Variants in SPNS2 observed in about 807,000 individuals in gnomAD.
SPNS2 encodes SPNS lysolipid transporter 2, sphingosine-1-phosphate, also known as sphingosine-1-phosphate transporter SPNS2.
Under a neutral mutation model 57.6 loss-of-function variants are expected in SPNS2, and 37 were observed. That is an observed-to-expected ratio of 0.64 (90% CI 0.49 to 0.85). SPNS2 has a LOEUF of 0.85. SPNS2 is among the 40% of genes least tolerant of loss of function. The probability of loss-of-function intolerance (pLI) is 0.00; values close to 1 mark genes in which losing one functional copy is unlikely to be tolerated. For missense variants in SPNS2, 831 were observed against 779.1 expected (o/e 1.07, Z -0.79); for synonymous variants, 440 against 346.9 (o/e 1.27, Z -2.98).
In SPNS2 at chr17:4,511,430, C is replaced by T. The variant is rs1230638038; in HGVS notation, c.371-1817C>T. ...TGTCCTGAGAAGTGAGGCCGGAGGG[C>T]GGGGCTGGCAGGGCCACACCTTCAC... On this transcript the variant is annotated intron_variant, in intron 1 of 12. Transcript: ENST00000329078. The surrounding 1 kb of genome is among the most constrained non-coding windows in gnomAD (Gnocchi z 4.6). Among the ~76,000 whole-genome samples, 5 of 152,068 alleles carry T rather than the reference C, an allele frequency of 3.3e-5. No individual in the cohort carries two copies. The highest frequency in any genetic ancestry group is 1.3e-4 in the Admixed American group (2 of 15,258).
chr17:4,520,407 GCGAA>G (rs1905109690), intron 2 of SPNS2, among the ~76,000 whole-genome samples: 1 of 152,168 alleles, frequency 6.6e-6, no homozygotes, highest in Non-Finnish European at 1.5e-5. Context: ...CCGGGGTCTG[GCGAA>G]GGTCTGGGTC....
rs372098562 is a variant in SPNS2, at chr17:4,510,093, G to A, written c.371-3154G>A. Among the ~76,000 whole-genome samples the A allele has an allele frequency of 2.8e-4, 42 of 152,378 alleles. No homozygotes were observed. The East Asian group carries it at 6.6e-3, about 24-fold the overall frequency. On this transcript the variant is annotated intron_variant, in intron 1 of 12. Transcript: ENST00000329078. The surrounding 1 kb of genome is among the most constrained non-coding windows in gnomAD (Gnocchi z 4.4). ...CGAGCTGCTGTGACACACGCTTCCC[G>A]TGCCAGCGGCCAGCGGGATCTCACC...
rs1345132870 is a variant in SPNS2 at position 4,512,367 on chromosome 17, G to T, written c.371-880G>T. Among the ~76,000 whole-genome samples the T allele has an allele frequency of 2.6e-5, 4 of 152,050 alleles. No individual in the cohort carries two copies. The highest frequency in any genetic ancestry group is 2.6e-4 in the Admixed American group (4 of 15,276). ...GGCTGAGTGCTGCGAGGGGTAGGAG[G>T]TCCAAGATCCTGCCTGTCCCCCAGA... On this transcript the variant is annotated intron_variant, in intron 1 of 12. Coordinates refer to ENST00000329078, the MANE Select transcript of SPNS2 (RefSeq NM_001124758.3). This position sits in a 1 kb window ranked among gnomAD's most constrained non-coding sequence, Gnocchi z 5.2.
intron 1 of SPNS2, among the ~76,000 whole-genome samples, chr17:4,505,548 CGGCTTTTCTACAT>C (rs373594169): frequency 8.7e-4 from 133 of 152,342 alleles, no homozygotes; most frequent in African/African-American, 2.7e-3. Context: ...CTGGGCAGAG[CGGCTTTTCTACAT>C]GGCTTTTCTA....
At chr17:4,532,910 G>T in intron 6 of SPNS2, 67 bp from the exon 7 acceptor site, 1 of 1,555,298 alleles carries the variant, frequency 6.4e-7, no homozygotes. Context: ...TTCCCCCAGT[G>T]CATGGGGCTG....
intron 2 of SPNS2, among the ~76,000 whole-genome samples, chr17:4,520,164 C>T (rs757184324): frequency 6.6e-5 from 10 of 152,196 alleles, no homozygotes; most frequent in Non-Finnish European, 1.0e-4. Flanking sequence ...TAGGGATGGA[C>T]GTGGGGAGGA....
intron 1 of SPNS2, among the ~76,000 whole-genome samples, chr17:4,503,799 TTC>T (rs1444625470): frequency 2.0e-5 from 3 of 152,152 alleles, no homozygotes; most frequent in African/African-American, 7.2e-5. Context: ...GGGAGTCCTT[TTC>T]TGCCAAAGAA....
intron 3 of SPNS2, among the ~76,000 whole-genome samples, chr17:4,525,410 C>G (rs1436043473): frequency 1.3e-5 from 2 of 152,242 alleles, no homozygotes; most frequent in African/African-American, 4.8e-5. Flanking sequence ...ACCTGAGAGC[C>G]TTCCAGCCCA....
intron 2 of SPNS2, among the ~76,000 whole-genome samples, chr17:4,524,094 T>A (rs1905207375): frequency 6.6e-6 from 1 of 152,170 alleles, no homozygotes; most frequent in Non-Finnish European, 1.5e-5. Context: ...AGGGCAGCTG[T>A]GTGGTCTAGC....
chr17:4,529,913 C>T (rs561437156), intron 3 of SPNS2, among the ~76,000 whole-genome samples: 7 of 152,124 alleles, frequency 4.6e-5, no homozygotes, highest in Middle Eastern at 3.4e-3. Context: ...CAGGGAGACC[C>T]GGGGGAGGGC....
At chr17:4,533,698 C>T in intron 8 of SPNS2, 90 bp from the exon 9 acceptor site, 2 of 1,462,170 alleles carry the variant, frequency 1.4e-6, no homozygotes, top group Non-Finnish European at 1.9e-6. Context: ...TTTGTGGGCT[C>T]CCTGCCAGCA....
intron 2 of SPNS2, among the ~76,000 whole-genome samples, chr17:4,513,915 C>T (rs1334555276): frequency 6.6e-6 from 1 of 152,214 alleles, no homozygotes; most frequent in Non-Finnish European, 1.5e-5. Context: ...TGATGGGCTG[C>T]CAGAGCAGGG....
intron 1 of SPNS2, among the ~76,000 whole-genome samples, chr17:4,502,977 G>A (rs1904569440): frequency 6.6e-6 from 1 of 152,192 alleles, no homozygotes; most frequent in South Asian, 2.1e-4. Flanking sequence ...CCCCCTGAGG[G>A]CAGCAGGCCT....
intron 4 of SPNS2, 66 bp from the exon 5 acceptor site, chr17:4,530,987 C>A: frequency 6.3e-7 from 1 of 1,578,664 alleles, no homozygotes; most frequent in East Asian, 2.3e-5. Context: ...GCCTTGCAGA[C>A]CAGCGGGCAC....
chr17:4,505,038 G>T (rs975388161), intron 1 of SPNS2, among the ~76,000 whole-genome samples: 1 of 152,152 alleles, frequency 6.6e-6, no homozygotes, highest in South Asian at 2.1e-4. Flanking sequence ...GTCCCTGGTG[G>T]GTCTCAGCGG....
At chr17:4,535,784 C>G (rs996654649) in intron 9 of SPNS2, among the ~76,000 whole-genome samples, 73 of 151,960 alleles carry the variant, frequency 4.8e-4, no homozygotes, top group African/African-American at 1.6e-3. Context: ...TCGCAGTGGT[C>G]TGGGTTGGAG....
rs376977615 is a variant in SPNS2 at position 4,536,093 on chromosome 17, G to A, written c.1362G>A (p.Thr454=). 16 of 1,611,832 alleles carry A rather than the reference G, an allele frequency of 9.9e-6. No individual in the cohort carries two copies. The highest frequency in any genetic ancestry group is 5.0e-5 in the Admixed American group (3 of 59,960). ...TTCCGCAGTACGTGGTCATCCCCACGCGGCGCGCCACTGCCGTGGCCTTGC... is the reference window on the plus strand; with the variant it reads ...TTCCGCAGTACGTGGTCATCCCCACACGGCGCGCCACTGCCGTGGCCTTGC... The part of the protein sequence containing the change: ...ADILMYVVIP[T]RRATAVALQS... The change falls in exon 10 of 13, where the codon ACG becomes ACA. Residue 454 remains threonine (T), a synonymous_variant. Coordinates refer to ENST00000329078, the MANE Select transcript of SPNS2 (RefSeq NM_001124758.3).
intron 3 of SPNS2, among the ~76,000 whole-genome samples, chr17:4,529,431 C>T (rs1270468466): frequency 1.3e-5 from 2 of 152,046 alleles, no homozygotes; most frequent in African/African-American, 4.8e-5. Flanking sequence ...TGGCCCACGC[C>T]TGTAATCCCA....
intron 1 of SPNS2, among the ~76,000 whole-genome samples, chr17:4,504,437 T>C (rs187161941): frequency 1.3e-5 from 2 of 149,572 alleles, no homozygotes; most frequent in East Asian, 1.9e-4. Flanking sequence ...CTTTGAAACA[T>C]AGTACCTTGG....
Sources: allele counts gnomAD v4.1 joint callset (sites outside exome capture counted in the v4.1 genomes callset), GRCh38; gene constraint gnomAD v4.1.1; non-coding constraint Gnocchi (gnomAD v3.1); transcripts MANE v1.5; gene names NCBI Gene and HGNC (gene_info 2026-07-23, HGNC 2026-07-21).